The following WLS variants were observed in gnomAD, a reference collection of about 807,000 sequenced individuals.
WLS encodes the protein protein wntless homolog.
Under a neutral mutation model 62.8 loss-of-function variants are expected in WLS, and 23 were observed. The observed-to-expected ratio is 0.37, with a 90% CI of 0.26 to 0.52. The LOEUF (loss-of-function observed/expected upper bound fraction) is 0.52, where lower values mean the gene tolerates loss of function less well. Among genes scored for constraint, WLS ranks in the 20% least tolerant of loss-of-function variants. WLS has a pLI of 0.92. For synonymous variants in WLS, 246 were observed against 244.1 expected, an observed-to-expected ratio of 1.01 and a Z score of -0.07; for missense variants, 615 against 697.3, an observed-to-expected ratio of 0.88 and a Z score of 1.33.
chr1:68,216,955 T>C (rs534526324), intron 1 of WLS, among the ~76,000 whole-genome samples: 7 of 152,234 alleles, frequency 4.6e-5, no homozygotes, highest in South Asian at 4.1e-4. Flanking sequence ...GTTTATACCA[T>C]GGACTTAAAT....
intron 1 of WLS, among the ~76,000 whole-genome samples, chr1:68,230,588 C>CGCGTGTGTGTGT (rs1553139180): frequency 2.0e-5 from 3 of 149,156 alleles, no homozygotes; most frequent in African/African-American, 7.4e-5. Flanking sequence ...TGTGTGCGCG[C>CGCGTGTGTGTGT]GTGTGTGTGT....
At chr1:68,149,923 T>A (rs1470516789) in intron 6 of WLS, among the ~76,000 whole-genome samples, 1 of 152,216 alleles carries the variant, frequency 6.6e-6, no homozygotes, top group Non-Finnish European at 1.5e-5. Flanking sequence ...GAAAACCCCA[T>A]GCAGTAGGTC....
chr1:68,155,417 G>A (rs957690740), intron 3 of WLS, among the ~76,000 whole-genome samples, 157 bp from the exon 4 acceptor site: 5 of 152,108 alleles, frequency 3.3e-5, no homozygotes, highest in African/African-American at 1.2e-4. Flanking sequence ...GAGGCATGGC[G>A]TCTACCCAGC....
chr1:68,223,160 G>C (rs1348389102), intron 1 of WLS, among the ~76,000 whole-genome samples: 18 of 152,162 alleles, frequency 1.2e-4, no homozygotes, highest in African/African-American at 3.4e-4. Flanking sequence ...CACTAACACT[G>C]TATATAAAGT....
At chr1:68,174,874 T>A (rs183142780) in intron 2 of WLS, among the ~76,000 whole-genome samples, 2 of 152,324 alleles carry the variant, frequency 1.3e-5, no homozygotes. Context: ...GTTGGCCTGG[T>A]GACCTCCTCC....
At chr1:68,134,533 T>C (rs1458625152) in intron 11 of WLS, among the ~76,000 whole-genome samples, 2 of 152,148 alleles carry the variant, frequency 1.3e-5, no homozygotes, top group Non-Finnish European at 2.9e-5. Context: ...TCACAGAGGG[T>C]CTACTTGGCA....
At chr1:68,183,589 T>C in intron 2 of WLS, 2 of 532,192 alleles carry the variant, frequency 3.8e-6, no homozygotes, top group Non-Finnish European at 7.7e-6. Context: ...CTTCTACAAA[T>C]TCACCCATCA....
chr1:68,120,805 T>C (rs1646355591), downstream of WLS, among the ~76,000 whole-genome samples: 1 of 152,176 alleles, frequency 6.6e-6, no homozygotes, highest in South Asian at 2.1e-4. Flanking sequence ...TGGCCTCAGG[T>C]GAATATATAT....
chr1:68,105,767 A>G (rs751255818), intron 11 of WLS, among the ~76,000 whole-genome samples: 1 of 152,160 alleles, frequency 6.6e-6, no homozygotes, highest in Non-Finnish European at 1.5e-5. Context: ...ACTGCTAGAA[A>G]TAAGGGGTGG....
intron 11 of WLS, among the ~76,000 whole-genome samples, chr1:68,106,340 G>GA (rs1646142476): frequency 6.6e-6 from 1 of 152,132 alleles, no homozygotes; most frequent in African/African-American, 2.4e-5. Flanking sequence ...ACTTCGAGGG[G>GA]GGCCTAAGGG....
chr1:68,142,981 AATC>A, intron 10 of WLS: 1 of 152,302 alleles, frequency 6.6e-6, no homozygotes, highest in African/African-American at 2.4e-5. Flanking sequence ...TCTCAATAGA[AATC>A]ATGATATTTT....
chr1:68,156,524 G>A (rs1557482769), intron 3 of WLS, among the ~76,000 whole-genome samples: 1 of 152,116 alleles, frequency 6.6e-6, no homozygotes, highest in African/African-American at 2.4e-5. Context: ...TTTGTACAGA[G>A]ACAGAGACAC....
intron 11 of WLS, among the ~76,000 whole-genome samples, chr1:68,115,575 G>T (rs531868366): frequency 1.5e-3 from 230 of 152,262 alleles, no homozygotes; most frequent in Non-Finnish European, 2.5e-3. Flanking sequence ...TTGGTAATTG[G>T]TATAAATGAA....
At chr1:68,186,461 T>C (rs899875360) in intron 2 of WLS, 1 of 381,836 alleles carries the variant, frequency 2.6e-6, no homozygotes, top group Admixed American at 3.5e-5. Context: ...TTCTCATTGT[T>C]TGAAATCTGA....
Position 68,149,964 on chromosome 1 carries a change from G to A in WLS, c.972+224C>T, listed in dbSNP as rs112845551. Among the ~76,000 whole-genome samples the A allele has an allele frequency of 6.9e-3, 1,052 of 152,294 alleles. 7 individuals are homozygous for A. The highest frequency in any genetic ancestry group is 0.027 in the Middle Eastern group (8 of 294). ...ATCCCATTTTATAGATGAGGGACCC[G>A]AGATTCAGAGTGATAATGTCATTTG... On this transcript the variant is annotated intron_variant, in intron 6 of 11. Coordinates refer to ENST00000262348, the MANE Select transcript of WLS (RefSeq NM_024911.7).
At chr1:68,182,094 T>C (rs11209227) in intron 2 of WLS, among the ~76,000 whole-genome samples, 24,879 of 152,160 alleles carry the variant, frequency 0.16, 2,280 homozygotes, top group East Asian at 0.34. Flanking sequence ...CAATGTTAAA[T>C]TGACCAGTAA....
intron 11 of WLS, among the ~76,000 whole-genome samples, chr1:68,110,230 T>A (rs1298564439): frequency 6.6e-6 from 1 of 151,622 alleles, no homozygotes; most frequent in East Asian, 2.0e-4. Context: ...AAAATTTAAT[T>A]TAAAATTAAG....
chr1:68,099,086 C>G (rs997472926), intron 11 of WLS, among the ~76,000 whole-genome samples: 3 of 152,210 alleles, frequency 2.0e-5, no homozygotes, highest in African/African-American at 7.2e-5. Context: ...AACTGCCCCC[C>G]TCATCCCCAC....
rs937019784 is a variant in WLS at position 68,141,971 on chromosome 1, G to A, written c.1362+2598C>T. Among the ~76,000 whole-genome samples, 14 of 152,310 alleles carry A rather than the reference G, an allele frequency of 9.2e-5. No individual in the cohort carries two copies. The East Asian group carries it at 1.7e-3, about 19-fold the overall frequency. ...TTAGAGTTGAAATCCACTCCGGGCC[G>A]ACTGTCGCAGCAGATATAAAAAGCC... On this transcript the variant is annotated intron_variant, in intron 10 of 11. Transcript: ENST00000262348.
Sources: gnomAD v4.1 joint callset for allele counts (sites outside exome capture counted in the v4.1 genomes callset) on GRCh38, gnomAD v4.1.1 for gene constraint, MANE v1.5 for transcripts, NCBI Gene and HGNC (gene_info 2026-07-23, HGNC 2026-07-21) for gene names.